Variants in RNGTT observed in about 807,000 individuals in gnomAD.
RNGTT encodes the protein mRNA-capping enzyme.
Under a neutral mutation model 79.3 loss-of-function variants are expected in RNGTT, and 33 were observed. The ratio of observed to expected loss-of-function variants is 0.42; its 90% CI spans 0.32 to 0.56. The LOEUF (loss-of-function observed/expected upper bound fraction) is 0.56. Ranked by LOEUF, RNGTT falls within the 20% of genes least tolerant of loss-of-function variation. RNGTT has a pLI of 0.17. For synonymous variants in RNGTT, 222 were observed against 235.9 expected (o/e 0.94, Z 0.54); for missense variants, 497 against 739.1 (o/e 0.67, Z 3.80).
chr6:88,646,386 CT>C (rs1407962889), intron 14 of RNGTT, among the ~76,000 whole-genome samples: 4 of 152,286 alleles, frequency 2.6e-5, no homozygotes, highest in African/African-American at 9.6e-5. Context: ...CATTTTTACA[CT>C]GTTGGTGGGA....
intron 4 of RNGTT, among the ~76,000 whole-genome samples, chr6:88,913,467 A>T (rs1223667597): frequency 6.6e-6 from 1 of 152,192 alleles, no homozygotes; most frequent in Admixed American, 6.5e-5. Flanking sequence ...TCAAAAAAAT[A>T]CTAGCAAACC....
chr6:88,727,218 G>C (rs1306038881), intron 13 of RNGTT, among the ~76,000 whole-genome samples: 1 of 152,168 alleles, frequency 6.6e-6, no homozygotes, highest in African/African-American at 2.4e-5. Flanking sequence ...TAAAACTATT[G>C]AAGAAACAGT....
chr6:88,676,652 GA>G (rs1316400993), intron 14 of RNGTT, among the ~76,000 whole-genome samples: 3 of 152,060 alleles, frequency 2.0e-5, no homozygotes, highest in Admixed American at 2.0e-4. Flanking sequence ...ATAGCTGGGA[GA>G]AAATAACTGC....
At chr6:88,936,683 A>G (rs974493270) in intron 2 of RNGTT, among the ~76,000 whole-genome samples, 1 of 152,114 alleles carries the variant, frequency 6.6e-6, no homozygotes, top group African/African-American at 2.4e-5. Flanking sequence ...ATATTTATTG[A>G]TTTGCATATG....
chr6:88,963,587 C>T lies in RNGTT; in HGVS notation c.-178G>A. 1 of 553,984 alleles carries T rather than the reference C, an allele frequency of 1.8e-6. No homozygotes were observed. Among genetic ancestry groups the T allele is most frequent in the Non-Finnish European group, 3.1e-6 (1 of 323,810 alleles). 34.3% of individuals were successfully genotyped at this position (553,984 alleles called of 1,614,324 possible). A position where few individuals can be genotyped will look rare whatever the true frequency, so the allele number is the denominator to read the frequency against. On this transcript the variant is annotated 5_prime_UTR_variant, in exon 1 of 16. Coordinates refer to ENST00000369485, the MANE Select transcript of RNGTT (RefSeq NM_003800.5). ...GCGGCGCGCCACTTTCATTCAGGAT[C>T]AACTCCACAGCTCCAGGAGAACCCA...
intron 13 of RNGTT, among the ~76,000 whole-genome samples, chr6:88,757,477 A>G (rs1211889558): frequency 6.6e-6 from 1 of 152,204 alleles, no homozygotes; most frequent in Non-Finnish European, 1.5e-5. Flanking sequence ...GGCTTCAAGT[A>G]TCTCTTATAT....
At position 88,853,666 on chromosome 6, in the gene RNGTT, T is replaced by C; in HGVS notation, c.995A>G (p.Asp332Gly). ...AGTATTTGATAAATGCATACGAAGA[T>C]CTTTACGAAATGGAAATTCCAGATT... ...VSNLEFPFRKDLRMHLSNTLL... is the reference protein window; with the variant it reads ...VSNLEFPFRKGLRMHLSNTLL... Residue 332 changes from aspartate to glycine, a missense_variant, in exon 9 of 16, where the codon GAT becomes GGT. Transcript: ENST00000369485. 6.3e-7 allele frequency: 1 copy of C among 1,599,294 alleles called. No homozygotes were observed. The highest frequency in any genetic ancestry group is 8.5e-7 in the Non-Finnish European group (1 of 1,169,700).
At chr6:88,930,492 T>C (rs962626755) in intron 2 of RNGTT, among the ~76,000 whole-genome samples, 3 of 151,826 alleles carry the variant, frequency 2.0e-5, no homozygotes, top group Non-Finnish European at 4.4e-5. Context: ...ATTAAAAAAT[T>C]AAATAAATTT....
Position 88,929,269 on chromosome 6 carries a change from T to TAA in RNGTT, c.175-4_175-3dup, listed in dbSNP as rs79488860. On this transcript the variant is annotated splice_polypyrimidine_tract_variant and splice_region_variant and intron_variant, in intron 2 of 15. Transcript: ENST00000369485. ...GTCCACCAACAAGCCCATTTTAACCTAAAAAAAAAAAAAAATGAAAGGGCA... is the reference window on the plus strand; with the variant it reads ...GTCCACCAACAAGCCCATTTTAACCTAAAAAAAAAAAAAAAAATGAAAGGGCA... The TAA allele has an allele frequency of 6.2e-4, 831 of 1,349,378 alleles. No individual in the cohort carries two copies. Among genetic ancestry groups the TAA allele is most frequent in the South Asian group, 1.3e-3 (96 of 75,716 alleles). The allele number at this position is 1,349,378 out of a possible 1,614,324, so 83.6% of individuals were successfully genotyped here. A position where few individuals can be genotyped will look rare whatever the true frequency, so the allele number is the denominator to read the frequency against.
intron 8 of RNGTT, among the ~76,000 whole-genome samples, chr6:88,855,137 G>A (rs1034798191): frequency 1.3e-5 from 2 of 152,140 alleles, no homozygotes; most frequent in Admixed American, 6.5e-5. Flanking sequence ...TGACCAGACT[G>A]CCCAACCTCC....
rs55920605 is a variant in RNGTT, at chr6:88,632,544, G to GACACACACAC, written c.1507-18159_1507-18150dup. Among the ~76,000 whole-genome samples, 198 of 133,038 alleles carry GACACACACAC rather than the reference G, an allele frequency of 1.5e-3. 1 individual carries two copies. Among genetic ancestry groups the GACACACACAC allele is most frequent in the East Asian group, 7.0e-3 (34 of 4,856 alleles). 87.3% of individuals were successfully genotyped at this position (133,038 alleles called of 152,430 possible). On this transcript the variant is annotated intron_variant, in intron 14 of 15. Coordinates refer to ENST00000369485, the MANE Select transcript of RNGTT (RefSeq NM_003800.5). Reference sequence around the variant, plus strand: ...CCAACTACAGACACACAGACACACAGACACACACACACACACACACACACA... The same window carrying GACACACACAC: ...CCAACTACAGACACACAGACACACAGACACACACACACACACACACACACACACACACACA...
intron 13 of RNGTT, among the ~76,000 whole-genome samples, chr6:88,680,440 A>G (rs985055242): frequency 7.9e-5 from 12 of 152,006 alleles, no homozygotes; most frequent in African/African-American, 2.7e-4. Context: ...CCTGTCCCCT[A>G]CGTTCTATAA....
intron 14 of RNGTT, among the ~76,000 whole-genome samples, chr6:88,643,105 G>T (rs936032338): frequency 3.3e-5 from 5 of 151,940 alleles, no homozygotes; most frequent in African/African-American, 1.2e-4. Context: ...TCACAGCTTA[G>T]CATAGCCTAC....
chr6:88,632,149 T>C (rs933829217), intron 14 of RNGTT, among the ~76,000 whole-genome samples: 2 of 152,062 alleles, frequency 1.3e-5, no homozygotes, highest in African/African-American at 2.4e-5. Flanking sequence ...TTTGTAGAGA[T>C]GGGAGTTTCA....
intron 12 of RNGTT, among the ~76,000 whole-genome samples, chr6:88,780,917 T>C (rs1006524774): frequency 3.2e-4 from 48 of 152,180 alleles, no homozygotes; most frequent in Non-Finnish European, 6.5e-4. Flanking sequence ...GGGGAGATTT[T>C]GCCTCCAAGG....
chr6:88,937,526 T>C (rs1784705130), intron 2 of RNGTT, among the ~76,000 whole-genome samples: 1 of 150,978 alleles, frequency 6.6e-6, no homozygotes, highest in Non-Finnish European at 1.5e-5. Flanking sequence ...TGATTCTTTG[T>C]ATTTTTTTTT....
At chr6:88,762,995 C>T (rs73496492) in intron 13 of RNGTT, among the ~76,000 whole-genome samples, 3,534 of 151,906 alleles carry the variant, frequency 0.023, 154 homozygotes, top group African/African-American at 0.079. Context: ...CCCACCACAG[C>T]TCACTGTAGC....
intron 1 of RNGTT, among the ~76,000 whole-genome samples, chr6:88,951,847 A>G (rs887397029): frequency 6.6e-6 from 1 of 152,218 alleles, no homozygotes; most frequent in Admixed American, 6.5e-5. Flanking sequence ...CAGCAGAATT[A>G]GGGAGGGTCA....
intron 11 of RNGTT, among the ~76,000 whole-genome samples, chr6:88,828,768 A>T (rs1157713084): frequency 2.6e-5 from 4 of 151,886 alleles, no homozygotes; most frequent in Admixed American, 6.6e-5. Context: ...CGAATCTATC[A>T]AGCAGAAGAA....
Sources: allele counts gnomAD v4.1 joint callset (sites outside exome capture counted in the v4.1 genomes callset), GRCh38; gene constraint gnomAD v4.1.1; transcripts MANE v1.5; gene names NCBI Gene and HGNC (gene_info 2026-07-23, HGNC 2026-07-21).